The following ADAP1 variants were observed in gnomAD, a reference collection of about 807,000 sequenced individuals.
The protein encoded by ADAP1 is arf-GAP with dual PH domain-containing protein 1.
In ADAP1, 31 loss-of-function variants were observed where a neutral mutation model predicts 54.9. The observed-to-expected ratio is 0.56, with a 90% CI of 0.42 to 0.76. ADAP1 has a LOEUF of 0.76. ADAP1 is among the 30% of genes least tolerant of loss of function. The pLI, the probability that ADAP1 is intolerant of heterozygous loss-of-function variation, is 0.00. For synonymous variants in ADAP1, 313 were observed against 202.6 expected (o/e 1.55, Z -4.63); for missense variants, 535 against 512.4 (o/e 1.04, Z -0.42).
intron 4 of ADAP1, among the ~76,000 whole-genome samples, chr7:919,638 G>A (rs1056123803): frequency 8.1e-6 from 1 of 123,906 alleles, no homozygotes; most frequent in Non-Finnish European, 1.6e-5. Context: ...GAGAGAGTAA[G>A]AGAAACAGAG....
intron 2 of ADAP1, among the ~76,000 whole-genome samples, chr7:928,811 C>T (rs1846471164): frequency 6.6e-6 from 1 of 152,226 alleles, no homozygotes; most frequent in Non-Finnish European, 1.5e-5. Context: ...ACGGTAAACA[C>T]AGAGTTACCA....
intron 4 of ADAP1, 98 bp from the exon 5 acceptor site, chr7:905,270 CACGGGGGACACGG>C (rs1156273937): frequency 0.027 from 13,462 of 507,046 alleles, 1,109 homozygotes; most frequent in African/African-American, 0.13. Context: ...GGGGAGAAGA[CACGGGGGACACGG>C]ACGGGGGACA....
At chr7:899,346 C>T in intron 9 of ADAP1, 73 bp downstream of exon 9, 2 of 1,605,110 alleles carry the variant, frequency 1.2e-6, no homozygotes, top group Non-Finnish European at 1.7e-6. Context: ...GGCCACCCGC[C>T]CTCCTGGTCA....
At chr7:918,223 T>C (rs1846014123) in intron 4 of ADAP1, among the ~76,000 whole-genome samples, 1 of 152,078 alleles carries the variant, frequency 6.6e-6, no homozygotes, top group Admixed American at 6.6e-5. Context: ...TGCCCGACCC[T>C]TTTTTGTTTC....
intron 6 of ADAP1, among the ~76,000 whole-genome samples, chr7:902,340 C>T (rs376262225): frequency 1.3e-5 from 2 of 149,170 alleles, no homozygotes; most frequent in Middle Eastern, 3.4e-3. Flanking sequence ...TGCCTGTAAT[C>T]CCAGCTACTC....
At chr7:948,133 C>T (rs531631903) in intron 1 of ADAP1, among the ~76,000 whole-genome samples, 14 of 152,124 alleles carry the variant, frequency 9.2e-5, no homozygotes, top group African/African-American at 3.1e-4. Flanking sequence ...GGGCCTTTCC[C>T]GCTCACAACC....
chr7:951,089 A>G (rs1021622966), intron 1 of ADAP1, among the ~76,000 whole-genome samples: 13 of 150,962 alleles, frequency 8.6e-5, no homozygotes, highest in Non-Finnish European at 1.9e-4. Flanking sequence ...TTTTTAAAAA[A>G]TCCGGCCAGG....
At chr7:900,492 C>T (rs1214767634) in intron 7 of ADAP1, 41 bp downstream of exon 7, 2 of 1,427,302 alleles carry the variant, frequency 1.4e-6, no homozygotes, top group Non-Finnish European at 1.9e-6. Context: ...CACCCCACCA[C>T]CCCTGTCTGC....
At position 905,146 on chromosome 7, in the gene ADAP1, G is replaced by C; in HGVS notation, c.415C>G (p.Arg139Gly). The C allele has an allele frequency of 6.2e-7, 1 of 1,612,184 alleles. No individual in the cohort carries two copies. Among genetic ancestry groups the C allele is most frequent in the East Asian group, 2.2e-5 (1 of 44,882 alleles). ...AGYREGFLWK[R>G]GRDNGQFLSR... is the part of the protein sequence containing the mutation. ...AAAAACTGCCCGTTGTCCCGGCCAC[G>C]CTTCCAGAGAAAACCCTCACGGTAC... The change falls in exon 5 of 11, where the codon CGT becomes GGT. Residue 139 changes from arginine (R) to glycine (G), a missense_variant. Physicochemically the swap from Arg to Gly is moderately radical, Grantham distance 125. Transcript: ENST00000265846.
rs975080210 is a variant in ADAP1, at chr7:929,460, C to A, written c.214-2816G>T. On this transcript the variant is annotated intron_variant, in intron 2 of 10. Transcript: ENST00000265846. The stretch of plus-strand genomic sequence containing the variant: ...CTTTGGGAGGCTGAGGTGGGAGGAT[C>A]GCTTGAGCCTGGGAGTTCGGGACCA... Among the ~76,000 whole-genome samples, 31 of 148,974 alleles carry A rather than the reference C, an allele frequency of 2.1e-4. No individual in the cohort carries two copies. In the East Asian group the frequency reaches 6.1e-3, roughly 29 times the overall value.
chr7:927,233 G>A (rs1846421678), intron 2 of ADAP1: 1 of 1,265,970 alleles, frequency 7.9e-7, no homozygotes, highest in African/African-American at 1.5e-5. Flanking sequence ...CGTGAAGGAG[G>A]GGAGGTGCTG....
At chr7:952,629 G>A (rs1049942246) in intron 1 of ADAP1, among the ~76,000 whole-genome samples, 7 of 152,186 alleles carry the variant, frequency 4.6e-5, no homozygotes, top group South Asian at 2.1e-4. Flanking sequence ...CAAGCAGAGC[G>A]GCCGGGTGTG....
intron 4 of ADAP1, among the ~76,000 whole-genome samples, chr7:906,219 GGGAAA>G (rs1481059663): frequency 8.0e-5 from 2 of 24,980 alleles, no homozygotes; most frequent in African/African-American, 1.5e-4. Context: ...AAAGGAGAAA[GGGAAA>G]GGAGAAAGGG....
intron 4 of ADAP1, among the ~76,000 whole-genome samples, chr7:906,961 C>G (rs1222595971): frequency 3.3e-5 from 5 of 152,138 alleles, no homozygotes; most frequent in Non-Finnish European, 2.9e-5. Flanking sequence ...GGGACCCTCC[C>G]CATCCTGAGT....
intron 2 of ADAP1, among the ~76,000 whole-genome samples, chr7:928,681 T>C (rs961664537): frequency 2.0e-5 from 3 of 152,222 alleles, no homozygotes; most frequent in African/African-American, 7.2e-5. Context: ...CCCACTAGGA[T>C]GGCAAGGTCA....
chr7:924,837 G>T (rs971380178), intron 3 of ADAP1, among the ~76,000 whole-genome samples: 1 of 152,102 alleles, frequency 6.6e-6, no homozygotes, highest in Non-Finnish European at 1.5e-5. Context: ...CTGGGGGCGG[G>T]GTGATAAAAT....
intron 3 of ADAP1, among the ~76,000 whole-genome samples, chr7:922,161 C>T (rs1381278447): frequency 2.0e-5 from 3 of 152,188 alleles, no homozygotes; most frequent in Non-Finnish European, 2.9e-5. Flanking sequence ...TGACACCCCA[C>T]GTGGTCACGA....
intron 2 of ADAP1, chr7:935,118 G>C: frequency 1.6e-6 from 1 of 621,784 alleles, no homozygotes; most frequent in Middle Eastern, 3.1e-4. Flanking sequence ...TCGGCGACCC[G>C]CCTTCGCTCC....
At position 920,883 on chromosome 7, in the gene ADAP1, G is replaced by A. The variant is rs1407397525; in HGVS notation, c.306-833C>T. ...CGCCCCAGCCTTTTCCACTCCCAGG[G>A]AATTACGCGGCAAAGAACAAATAGG... On this transcript the variant is annotated intron_variant, in intron 3 of 10. Transcript: ENST00000265846. This position sits in a 1 kb window ranked among gnomAD's most constrained non-coding sequence, Gnocchi z 4.5. 3 of 1,549,898 alleles carry A rather than the reference G, an allele frequency of 1.9e-6. No individual in the cohort carries two copies. The highest frequency in any genetic ancestry group is 2.0e-5 in the Admixed American group (1 of 50,964).
Sources: gnomAD v4.1 joint callset for allele counts (sites outside exome capture counted in the v4.1 genomes callset) on GRCh38, gnomAD v4.1.1 for gene constraint, Gnocchi (gnomAD v3.1) non-coding constraint, MANE v1.5 for transcripts, NCBI Gene and HGNC (gene_info 2026-07-23, HGNC 2026-07-21) for gene names.